Variants in RANBP2 observed in about 807,000 individuals in gnomAD.
RANBP2 encodes the protein E3 SUMO-protein ligase RanBP2.
RANBP2 carries 57 observed loss-of-function variants against 303.6 expected under a neutral mutation model. That is an observed-to-expected ratio of 0.19 (90% CI 0.15 to 0.23). RANBP2 has a LOEUF of 0.23. Among genes scored for constraint, RANBP2 ranks in the 10% least tolerant of loss-of-function variants. RANBP2 has a pLI of 1.00. For missense variants in RANBP2, 3,138 were observed against 3,780.8 expected, an observed-to-expected ratio of 0.83 and a Z score of 4.46; for synonymous variants, 1,167 against 1,301.5, an observed-to-expected ratio of 0.90 and a Z score of 2.23.
At chr2:108,917,665 C>T in the RANBP2 span, among the ~76,000 whole-genome samples, 7 of 151,926 alleles carry the variant, frequency 4.6e-5, no homozygotes, top group East Asian at 3.9e-4. Flanking sequence ...AAACGGGAGG[C>T]GGTGGGCCTT....
the RANBP2 span, among the ~76,000 whole-genome samples, chr2:109,644,389 G>T: frequency 6.6e-6 from 1 of 152,184 alleles, no homozygotes; most frequent in Non-Finnish European, 1.5e-5. Context: ...CTGTGTTGAT[G>T]AATCTACTCT....
the RANBP2 span, among the ~76,000 whole-genome samples, chr2:109,550,046 T>C: frequency 1.3e-5 from 2 of 151,970 alleles, no homozygotes; most frequent in African/African-American, 4.8e-5. Flanking sequence ...ATCTTTTTTC[T>C]TTGGGAGGCC....
At chr2:109,574,305 G>C in the RANBP2 span, among the ~76,000 whole-genome samples, 2 of 151,792 alleles carry the variant, frequency 1.3e-5, no homozygotes, top group African/African-American at 4.8e-5. Context: ...AGTTAGCTGG[G>C]TGTGGTAGTA....
the RANBP2 span, chr2:108,908,171 G>A: frequency 3.1e-5 from 25 of 796,076 alleles, no homozygotes; most frequent in South Asian, 1.9e-4. Flanking sequence ...TTGTGGGCAC[G>A]GGACCAGGGG....
the RANBP2 span, among the ~76,000 whole-genome samples, chr2:109,711,593 C>T: frequency 6.6e-6 from 1 of 152,220 alleles, no homozygotes; most frequent in Non-Finnish European, 1.5e-5. Context: ...TCCTTCTACG[C>T]TTTGATGCCC....
chr2:108,872,214 T>C, the RANBP2 span, among the ~76,000 whole-genome samples: 239 of 152,232 alleles, frequency 1.6e-3, 1 homozygote, highest in African/African-American at 5.4e-3. Flanking sequence ...TCATTTTCTC[T>C]TCTTCCCTCC....
Position 108,727,490 on chromosome 2 carries a change from A to G in RANBP2, c.73-1642A>G, listed in dbSNP as rs548703111. ...TTTCGATTGACGGCAACCTGGTTTG[A>G]TACTATTCATCGTTTTGGACATTCA... On this transcript the variant is annotated intron_variant, in intron 1 of 28. Transcript: ENST00000283195. Among the ~76,000 whole-genome samples, 405 of 152,048 alleles carry G rather than the reference A, an allele frequency of 2.7e-3. 4 individuals carry two copies. The highest frequency in any genetic ancestry group is 8.4e-3 in the African/African-American group (349 of 41,494).
the RANBP2 span, among the ~76,000 whole-genome samples, chr2:109,158,276 C>T: frequency 6.6e-5 from 10 of 152,294 alleles, no homozygotes; most frequent in South Asian, 2.1e-4. Flanking sequence ...TCCAGGCTCC[C>T]GGTTGCCACT....
the RANBP2 span, chr2:109,585,887 G>C: frequency 7.0e-7 from 1 of 1,421,820 alleles, no homozygotes; most frequent in Non-Finnish European, 9.9e-7. Context: ...AAACAACTTT[G>C]ACTTAAATAG....
the RANBP2 span, among the ~76,000 whole-genome samples, chr2:109,068,492 G>A: frequency 8.5e-5 from 13 of 152,336 alleles, no homozygotes; most frequent in East Asian, 1.3e-3. Context: ...TTGACATCAC[G>A]GATGCCCAGT....
the RANBP2 span, among the ~76,000 whole-genome samples, chr2:108,818,606 T>C: frequency 2.0e-5 from 3 of 152,222 alleles, no homozygotes; most frequent in African/African-American, 7.2e-5. Flanking sequence ...ACTAATTAAA[T>C]ACTTGTGGCC....
the RANBP2 span, among the ~76,000 whole-genome samples, chr2:109,457,062 C>T: frequency 8.5e-5 from 13 of 152,294 alleles, no homozygotes; most frequent in East Asian, 1.7e-3. Context: ...TATGTGACTT[C>T]GAGCAAGCTT....
At chr2:108,819,493 G>GT in the RANBP2 span, among the ~76,000 whole-genome samples, 2 of 152,042 alleles carry the variant, frequency 1.3e-5, no homozygotes, top group Non-Finnish European at 2.9e-5. Context: ...GCTGCAGCAC[G>GT]TAAGAGCTGC....
chr2:108,758,354 G>C, intron 17 of RANBP2, 59 bp from the exon 18 acceptor site: 1 of 1,605,204 alleles, frequency 6.2e-7, no homozygotes, highest in South Asian at 1.1e-5. Context: ...CCCCAGCACT[G>C]TTTCTGTCAT....
chr2:109,263,812 C>CA, the RANBP2 span, among the ~76,000 whole-genome samples: 1 of 152,098 alleles, frequency 6.6e-6, no homozygotes, highest in Admixed American at 6.5e-5. Context: ...TAAAAAAATA[C>CA]AAAAAATTAG....
the RANBP2 span, among the ~76,000 whole-genome samples, chr2:109,593,594 C>T: frequency 3.3e-5 from 5 of 151,848 alleles, no homozygotes; most frequent in African/African-American, 4.8e-5. Context: ...TTAGCAGAGA[C>T]GGGGTTTCAC....
chr2:109,565,615 C>T, the RANBP2 span: 1 of 681,240 alleles, frequency 1.5e-6, no homozygotes, highest in Non-Finnish European at 2.6e-6. Flanking sequence ...CTCTACACGG[C>T]CTCCAGACTT....
chr2:109,559,283 AC>A, the RANBP2 span, among the ~76,000 whole-genome samples: 3 of 152,220 alleles, frequency 2.0e-5, no homozygotes, highest in Non-Finnish European at 2.9e-5. Context: ...ATCACATATG[AC>A]AAAGAACCAG....
chr2:109,530,495 T>G, the RANBP2 span, among the ~76,000 whole-genome samples: 1 of 152,318 alleles, frequency 6.6e-6, no homozygotes, highest in South Asian at 2.1e-4. Context: ...GTACTCTCTT[T>G]TGTAAGAAAG....
Sources: gnomAD v4.1 joint callset for allele counts (sites outside exome capture counted in the v4.1 genomes callset) on GRCh38, gnomAD v4.1.1 for gene constraint, MANE v1.5 for transcripts, NCBI Gene and HGNC (gene_info 2026-07-23, HGNC 2026-07-21) for gene names.